Variants in ROS1 observed in about 807,000 individuals in gnomAD.
ROS1 encodes the protein ROS proto-oncogene 1, receptor tyrosine kinase.
Under a neutral mutation model 273.5 loss-of-function variants are expected in ROS1, and 263 were observed. That is an observed-to-expected ratio of 0.96 (90% CI 0.87 to 1.06). The LOEUF is 1.06. ROS1 is among the 50% of genes least tolerant of loss of function. ROS1 has a pLI of 0.00. For synonymous variants in ROS1, 1,008 were observed against 954.1 expected, an observed-to-expected ratio of 1.06 and a Z score of -1.04; for missense variants, 2,833 against 2,751.1, an observed-to-expected ratio of 1.03 and a Z score of -0.67.
chr6:117,379,331 G>C (rs1194263743), intron 17 of ROS1, among the ~76,000 whole-genome samples, 172 bp from the exon 18 acceptor site: 2 of 152,038 alleles, frequency 1.3e-5, no homozygotes, highest in African/African-American at 4.8e-5. Context: ...GCTTATTACT[G>C]TTATTTGGAT....
Position 117,356,712 on chromosome 6 carries a change from T to G in ROS1, c.4043A>C (p.Tyr1348Ser), listed in dbSNP as rs35269727. The G allele has an allele frequency of 1.8e-4, 284 of 1,614,178 alleles. No individual in the cohort carries two copies. The East Asian group carries it at 3.0e-3, about 17-fold the overall frequency. Residue 1348 changes from tyrosine to serine, a missense_variant, in exon 26 of 44, where the codon TAC becomes TCC. Physicochemically the swap from Tyr to Ser is moderately radical, Grantham distance 144. Coordinates refer to ENST00000368507, the MANE Select transcript of ROS1 (RefSeq NM_001378902.1). ...DTSNLEKPLI[Y>S]FAKAQEIWAM... is the part of the protein sequence containing the mutation. ...CCAGATCTCTTGTGCTTTGGCAAAG[T>G]ATATCAATGGTTTCTCTAGGTTAGA...
At chr6:117,387,373 A>G (rs1166261782) in intron 14 of ROS1, among the ~76,000 whole-genome samples, 1 of 152,216 alleles carries the variant, frequency 6.6e-6, no homozygotes, top group Non-Finnish European at 1.5e-5. Flanking sequence ...TGAATGGTAT[A>G]GTCATCCTTC....
intron 43 of ROS1, among the ~76,000 whole-genome samples, chr6:117,292,663 A>G (rs564670972): frequency 1.3e-5 from 2 of 152,330 alleles, no homozygotes; most frequent in East Asian, 3.9e-4. Context: ...ATGAACCCAT[A>G]TCTTGACTGT....
In ROS1 at chr6:117,418,483, T is replaced by C. The variant is rs750438764; in HGVS notation, c.147A>G (p.Thr49=). 2 of 1,602,304 alleles carry C rather than the reference T, an allele frequency of 1.2e-6. No homozygotes were observed. The highest frequency in any genetic ancestry group is 1.8e-5 in the Admixed American group (1 of 57,044). ...TNLGQQLDLG[T]PHNLSEPCIQ... is the part of the protein sequence containing the mutation. ...TTACCGGTTCACTCAGATTATGTGG[T>C]GTGCCAAGGTCAAGCTGCTGGCCCT... Residue 49 remains threonine (T), a synonymous_variant, in exon 2 of 44, where the codon ACA becomes ACG. Coordinates refer to ENST00000368507, the MANE Select transcript of ROS1 (RefSeq NM_001378902.1).
At chr6:117,394,433 A>G (rs1170066007) in intron 10 of ROS1, 87 bp from the exon 11 acceptor site, 10 of 903,840 alleles carry the variant, frequency 1.1e-5, no homozygotes, top group Non-Finnish European at 1.5e-5. Context: ...TTATTTAATG[A>G]TTAATAAATT....
intron 34 of ROS1, among the ~76,000 whole-genome samples, chr6:117,324,696 T>A (rs1057349792): frequency 8.5e-5 from 13 of 152,146 alleles, no homozygotes; most frequent in African/African-American, 3.1e-4. Flanking sequence ...AACATATATA[T>A]CTTTTTAATA....
chr6:117,408,086 A>G (rs9489148), intron 5 of ROS1, among the ~76,000 whole-genome samples: 84,076 of 150,802 alleles, frequency 0.56, 24,680 homozygotes, highest in African/African-American at 0.75. Context: ...AGACTTAAAC[A>G]TTAGACCTAA....
intron 2 of ROS1, 98 bp from the exon 3 acceptor site, chr6:117,416,415 G>A: frequency 1.3e-6 from 1 of 799,056 alleles, no homozygotes; most frequent in Non-Finnish European, 2.2e-6. Context: ...GCATCACTCT[G>A]TGTTTTAGAA....
chr6:117,357,957 A>G lies in ROS1; in HGVS notation c.3686T>C (p.Ile1229Thr), dbSNP rs1444191883. Residue 1229 changes from isoleucine (I) to threonine (T), a missense_variant, in exon 25 of 44, where the codon ATT becomes ACT. Coordinates refer to ENST00000368507, the MANE Select transcript of ROS1 (RefSeq NM_001378902.1). The part of the protein sequence containing the change: ...FDITVITIDW[I>T]SRHLYFALKE... ...CAGTGCAAAGTAGAGGTGCCTTGAA[A>G]TCCAGTCAATTGTAATAACTGTGAT... The G allele has an allele frequency of 6.2e-7, 1 of 1,613,816 alleles. No homozygotes were observed. The highest frequency in any genetic ancestry group is 1.7e-5 in the Admixed American group (1 of 60,008).
intron 31 of ROS1, among the ~76,000 whole-genome samples, chr6:117,338,404 A>G (rs1777635074): frequency 6.6e-6 from 1 of 152,090 alleles, no homozygotes; most frequent in African/African-American, 2.4e-5. Flanking sequence ...TGCTGATGTC[A>G]GGGACATTGC....
chr6:117,339,117 T>G (rs779643561), intron 31 of ROS1, among the ~76,000 whole-genome samples: 48 of 152,186 alleles, frequency 3.2e-4, no homozygotes, highest in Non-Finnish European at 6.6e-4. Context: ...TTGTCCAACT[T>G]TCAGCTTGTG....
Position 117,288,341 on chromosome 6 carries a change from G to T in ROS1, c.*151C>A, listed in dbSNP as rs1582511343. The stretch of plus-strand genomic sequence containing the variant: ...GGATTGCTACAACTGAAACCAAATG[G>T]CTCTCAGAACCAAGATTAGAAATCA... On this transcript the variant is annotated 3_prime_UTR_variant, in exon 44 of 44. Transcript: ENST00000368507. The T allele has an allele frequency of 5.6e-6, 4 of 709,204 alleles. No homozygotes were observed. The Admixed American group carries it at 1.2e-4, about 21-fold the overall frequency. 43.9% of individuals were successfully genotyped at this position (709,204 alleles called of 1,614,324 possible).
Position 117,311,735 on chromosome 6 carries a change from A to T in ROS1, c.6118-618T>A, listed in dbSNP as rs931429922. ...AAGTTTCAAATTACTCCTCTCATCT[A>T]AGAGAGTGAGTACAAACATACACTT... On this transcript the variant is annotated intron_variant, in intron 39 of 43. Coordinates refer to ENST00000368507, the MANE Select transcript of ROS1 (RefSeq NM_001378902.1). Among the ~76,000 whole-genome samples, 3 of 152,092 alleles carry T rather than the reference A, an allele frequency of 2.0e-5. No homozygotes were observed. The East Asian group carries it at 5.8e-4, about 29-fold the overall frequency.
intron 38 of ROS1, 124 bp from the exon 39 acceptor site, chr6:117,317,396 T>G: frequency 7.3e-6 from 8 of 1,100,106 alleles, no homozygotes; most frequent in Non-Finnish European, 8.9e-6. Flanking sequence ...TTAGTGTCTC[T>G]AACACTTCGT....
intron 7 of ROS1, among the ~76,000 whole-genome samples, chr6:117,402,901 A>G (rs1051300746): frequency 5.3e-5 from 8 of 151,544 alleles, no homozygotes; most frequent in Non-Finnish European, 7.4e-5. Context: ...AAAAAAAAAA[A>G]AAAAGAAAAG....
At chr6:117,331,968 C>T (rs948898260) in intron 32 of ROS1, among the ~76,000 whole-genome samples, 6 of 152,246 alleles carry the variant, frequency 3.9e-5, no homozygotes, top group East Asian at 1.9e-4. Flanking sequence ...ATCATGGTGA[C>T]AGGATCAAAC....
chr6:117,409,565 C>T lies in ROS1; in HGVS notation c.316+17G>A, dbSNP rs564722649. ...GTGGTGCAGCCTATTTTTTAAAAGT[C>T]GTGTGTGTCCTCTTACCCAGTACTT... On this transcript the variant is annotated intron_variant, in intron 5 of 43. Coordinates refer to ENST00000368507, the MANE Select transcript of ROS1 (RefSeq NM_001378902.1). 1.4e-5 allele frequency: 22 copies of T among 1,605,088 alleles called. No homozygotes were observed. In the African/African-American group the frequency reaches 2.1e-4, roughly 16 times the overall value.
chr6:117,419,740 A>T (rs774652021), intron 1 of ROS1, among the ~76,000 whole-genome samples: 4 of 152,166 alleles, frequency 2.6e-5, no homozygotes, highest in Non-Finnish European at 4.4e-5. Context: ...GATGCTGGGT[A>T]GTCTTTGTGT....
At chr6:117,373,015 AAC>A (rs1780963758) in intron 18 of ROS1, among the ~76,000 whole-genome samples, 1 of 152,152 alleles carries the variant, frequency 6.6e-6, no homozygotes, top group Non-Finnish European at 1.5e-5. Flanking sequence ...ACCTGAGCTA[AAC>A]ACAGAGTGCT....
Sources: gnomAD v4.1 joint callset for allele counts (sites outside exome capture counted in the v4.1 genomes callset) on GRCh38, gnomAD v4.1.1 for gene constraint, MANE v1.5 for transcripts, NCBI Gene and HGNC (gene_info 2026-07-23, HGNC 2026-07-21) for gene names.